The following WASHC2C variants were observed in gnomAD, a reference collection of about 807,000 sequenced individuals.
WASHC2C encodes Vaccinia Penetration Factor.
A neutral mutation model predicts 142.2 loss-of-function variants in WASHC2C; 73 were observed. The observed-to-expected ratio is 0.51, with a 90% confidence interval of 0.43 to 0.62. WASHC2C has a LOEUF of 0.62. Ranked by LOEUF, WASHC2C falls within the 20% of genes least tolerant of loss-of-function variation. The pLI is 0.00. For synonymous variants in WASHC2C, 337 were observed against 565.5 expected (o/e 0.60, Z 5.73); for missense variants, 969 against 1,531.7 (o/e 0.63, Z 6.13).
intron 8 of WASHC2C, among the ~76,000 whole-genome samples, chr10:45,748,069 CA>C (rs2053069303): frequency 8.1e-6 from 1 of 123,742 alleles, no homozygotes; most frequent in Admixed American, 8.6e-5. Flanking sequence ...TAAAAATTTG[CA>C]TTTAAATTTC....
chr10:45,751,317 C>T (rs2053560407), intron 10 of WASHC2C, among the ~76,000 whole-genome samples, 165 bp from the exon 11 acceptor site: 3 of 146,246 alleles, frequency 2.1e-5, no homozygotes, highest in East Asian at 4.1e-4. Context: ...CTTGAGTGCC[C>T]ACTGTGGGCA....
chr10:45,784,793 T>C, intron 24 of WASHC2C, 28 bp from the exon 25 acceptor site: 4 of 1,599,662 alleles, frequency 2.5e-6, no homozygotes, highest in Non-Finnish European at 2.6e-6. Flanking sequence ...TGCTTTTGGA[T>C]ATTGAACTTG....
chr10:45,743,968 C>T (rs1201712253), intron 6 of WASHC2C, among the ~76,000 whole-genome samples: 2 of 151,068 alleles, frequency 1.3e-5, no homozygotes, highest in African/African-American at 4.9e-5. Context: ...AGGCTGGTCT[C>T]GAATTCCTGA....
At chr10:45,754,587 C>G in intron 14 of WASHC2C, 42 bp downstream of exon 14, 1 of 1,496,024 alleles carries the variant, frequency 6.7e-7, no homozygotes, top group Non-Finnish European at 9.0e-7. Flanking sequence ...TACACAAATA[C>G]TGTTTTTTGC....
intron 11 of WASHC2C, among the ~76,000 whole-genome samples, chr10:45,752,342 G>C (rs2053704674): frequency 6.6e-6 from 1 of 152,306 alleles, no homozygotes; most frequent in African/African-American, 2.4e-5. Context: ...TGCTGGCCTA[G>C]AGAATGAATG....
intron 21 of WASHC2C, among the ~76,000 whole-genome samples, chr10:45,775,796 A>C (rs1442222194): frequency 1.3e-5 from 2 of 149,504 alleles, no homozygotes; most frequent in South Asian, 2.1e-4. Context: ...ATTCTGCCTC[A>C]GCCTCCCTAG....
At chr10:45,777,460 G>A in intron 22 of WASHC2C, 35 bp downstream of exon 22, 2 of 1,612,298 alleles carry the variant, frequency 1.2e-6, no homozygotes, top group Non-Finnish European at 1.7e-6. Flanking sequence ...GAATGCATTT[G>A]TCTCTCGTAT....
intron 11 of WASHC2C, 129 bp from the exon 12 acceptor site, chr10:45,752,459 T>C: frequency 1.3e-6 from 1 of 767,156 alleles, no homozygotes; most frequent in Non-Finnish European, 2.3e-6. Flanking sequence ...TCAGACTGCC[T>C]CACACTTTGT....
Position 45,784,682 on chromosome 10 carries a change from A to G in WASHC2C, c.2596A>G (p.Lys866Glu), listed in dbSNP as rs2057897351. Residue 866 changes from lysine to glutamate, a missense_variant, in exon 24 of 31, where the codon AAA becomes GAA. Transcript: ENST00000623400. ...AGATGTTGACCTTTTTGCTGGCACC[A>G]AAAAAACCAAGGTCAGTTCCAAATG... is the stretch of plus-strand genomic sequence containing the variant. ...DPDVDLFAGT[K>E]KTKLLEPSVG... 6.2e-7 allele frequency: 1 copy of G among 1,606,358 alleles called. No homozygotes were observed. The highest frequency in any genetic ancestry group is 2.2e-5 in the East Asian group (1 of 44,714).
At chr10:45,754,809 G>C in intron 14 of WASHC2C, 127 bp from the exon 15 acceptor site, 2 of 1,334,632 alleles carry the variant, frequency 1.5e-6, no homozygotes, top group Non-Finnish European at 1.0e-6. Context: ...GGAGGCTATT[G>C]GGCCCTGTTA....
Position 45,734,361 on chromosome 10 carries a change from G to C in WASHC2C, c.292-3622G>C, listed in dbSNP as rs868983374. Among the ~76,000 whole-genome samples the C allele has an allele frequency of 5.3e-3, 745 of 140,068 alleles. 10 individuals carry two copies. Among genetic ancestry groups the C allele is most frequent in the African/African-American group, 0.017 (651 of 37,298 alleles). 91.9% of individuals were successfully genotyped at this position (140,068 alleles called of 152,430 possible). ...TAACTTTAACCTTTTCTAGATGACT[G>C]TGTGTGTGTGTGTGTGTGTGTGTGT... On this transcript the variant is annotated intron_variant, in intron 3 of 30. Transcript: ENST00000623400.
rs1227809519 is a variant in WASHC2C at position 45,749,836 on chromosome 10, A to AAAAAAAT, written c.733-259_733-258insAAAAATA. Among the ~76,000 whole-genome samples the AAAAAAAT allele has an allele frequency of 6.2e-4, 63 of 101,762 alleles. 1 individual carries two copies. The highest frequency in any genetic ancestry group is 2.1e-3 in the African/African-American group (48 of 22,980). 66.8% of individuals were successfully genotyped at this position (101,762 alleles called of 152,430 possible). A position where few individuals can be genotyped will look rare whatever the true frequency, so the allele number is the denominator to read the frequency against. ...GCAAGACTCCATCTCAAAAAAAAAA[A>AAAAAAAT]ATATATATATATATATATATTTATA... On this transcript the variant is annotated intron_variant, in intron 8 of 30. Transcript: ENST00000623400.
intron 5 of WASHC2C, 115 bp from the exon 6 acceptor site, chr10:45,743,275 C>T (rs1221420126): frequency 7.7e-6 from 12 of 1,562,674 alleles, no homozygotes; most frequent in Non-Finnish European, 8.8e-6. Flanking sequence ...TCTTATTCTC[C>T]ACCTTCGTTA....
intron 20 of WASHC2C, among the ~76,000 whole-genome samples, chr10:45,770,025 T>C (rs556844545): frequency 4.2e-4 from 63 of 151,042 alleles, no homozygotes; most frequent in South Asian, 4.2e-3. Flanking sequence ...CAGATCACGA[T>C]GTCAGGAGTT....
intron 3 of WASHC2C, among the ~76,000 whole-genome samples, chr10:45,729,901 T>C (rs537433079): frequency 2.0e-4 from 30 of 152,340 alleles, no homozygotes; most frequent in Admixed American, 2.0e-3. Context: ...TGCAGCATGT[T>C]TGTGCATTTT....
At position 45,754,382 on chromosome 10, in the gene WASHC2C, G is replaced by C. The variant is rs1301901412; in HGVS notation, c.1181-104G>C. 8.9e-6 allele frequency: 14 copies of C among 1,580,136 alleles called. No homozygotes were observed. In the African/African-American group the frequency reaches 1.6e-4, roughly 18 times the overall value. On this transcript the variant is annotated intron_variant, in intron 13 of 30. Transcript: ENST00000623400. ...TGTTCAGGAAAAAGTAGTTTCAAAAGGTCTGGTACTAGCTGTGTGTTACAT... is the reference window on the plus strand; with the variant it reads ...TGTTCAGGAAAAAGTAGTTTCAAAACGTCTGGTACTAGCTGTGTGTTACAT...
In WASHC2C at chr10:45,727,478, C is replaced by T. The variant is rs779937290; in HGVS notation, c.65C>T (p.Pro22Leu). 5 of 1,608,726 alleles carry T rather than the reference C, an allele frequency of 3.1e-6. No individual in the cohort carries two copies. Among genetic ancestry groups the T allele is most frequent in the Admixed American group, 1.7e-5 (1 of 59,594 alleles). Residue 22 changes from proline (P) to leucine (L), a missense_variant, in exon 2 of 31, where the codon CCG (proline) becomes CTG (leucine). Physicochemically the swap from Pro to Leu is moderately conservative, Grantham distance 98 (BLOSUM62 -3). Coordinates refer to ENST00000623400, the MANE Select transcript of WASHC2C (RefSeq NM_001330074.2). ...VPASEPVWER[P>L]WSVEEIRRSS... ...GCGTCGGAGCCCGTGTGGGAGCGGC[C>T]GTGGTCGGTGGAGGAGATCCGCAGG...
chr10:45,727,256 G>C (rs1354763740), upstream of WASHC2C: 10 of 1,535,816 alleles, frequency 6.5e-6, no homozygotes, highest in South Asian at 1.2e-5. Context: ...CTAGGCTTCC[G>C]GGGCTCTGCG....
At chr10:45,743,307 A>G (rs1589643857) in intron 5 of WASHC2C, 83 bp from the exon 6 acceptor site, 2 of 1,560,040 alleles carry the variant, frequency 1.3e-6, no homozygotes, top group East Asian at 4.5e-5. Context: ...TGGGATAGTC[A>G]GATGGAACAG....
Sources: allele counts gnomAD v4.1 joint callset (sites outside exome capture counted in the v4.1 genomes callset), GRCh38; gene constraint gnomAD v4.1.1; transcripts MANE v1.5; gene names NCBI Gene and HGNC (gene_info 2026-07-23, HGNC 2026-07-21).